OLA1: variants seen among roughly 807,000 people sequenced by gnomAD.
OLA1 encodes the protein obg-like ATPase 1.
A neutral mutation model predicts 48.4 loss-of-function variants in OLA1; 14 were observed. That is an observed-to-expected ratio of 0.29 (90% CI 0.19 to 0.45). The LOEUF is 0.45. OLA1 is among the 20% of genes least tolerant of loss of function. The pLI, the probability that OLA1 is intolerant of heterozygous loss-of-function variation, is 1.00. For synonymous variants in OLA1, 127 were observed against 150.4 expected (o/e 0.84, Z 1.14); for missense variants, 325 against 467.1 (o/e 0.70, Z 2.80).
intron 4 of OLA1, among the ~76,000 whole-genome samples, chr2:174,207,564 T>C (rs1688145210): frequency 6.6e-6 from 1 of 152,100 alleles, no homozygotes; most frequent in African/African-American, 2.4e-5. Context: ...AAGGGAGAAG[T>C]GAAATCAGTC....
intron 7 of OLA1, among the ~76,000 whole-genome samples, chr2:174,120,556 A>G (rs1558963166): frequency 1.3e-5 from 2 of 152,198 alleles, no homozygotes; most frequent in Non-Finnish European, 2.9e-5. Flanking sequence ...GCTTCTCTTC[A>G]GGGGCTAGGT....
intron 4 of OLA1, among the ~76,000 whole-genome samples, chr2:174,173,849 G>C (rs961700721): frequency 2.6e-5 from 4 of 151,948 alleles, no homozygotes; most frequent in Admixed American, 1.3e-4. Context: ...TTAAACATAT[G>C]AGAATATTAA....
At chr2:174,239,194 AAC>A (rs1688936132) in intron 2 of OLA1, among the ~76,000 whole-genome samples, 1 of 152,214 alleles carries the variant, frequency 6.6e-6, no homozygotes, top group African/African-American at 2.4e-5. Context: ...AAGAATCAAT[AAC>A]ACATGCCAAA....
Position 174,176,687 on chromosome 2 carries a change from T to C in OLA1, c.374-34687A>G, listed in dbSNP as rs922946086. ...ATATTAAAAGCTAAACATTTCACCG[T>C]GGTAAGGTCTTACACCTAGAGAGAC... is the stretch of plus-strand genomic sequence containing the variant. On this transcript the variant is annotated intron_variant, in intron 4 of 10. Coordinates refer to ENST00000284719, the MANE Select transcript of OLA1 (RefSeq NM_013341.5). Among the ~76,000 whole-genome samples the C allele has an allele frequency of 1.1e-4, 16 of 152,118 alleles. No individual in the cohort carries two copies. The East Asian group carries it at 2.9e-3, about 27-fold the overall frequency.
Position 174,169,915 on chromosome 2 carries a change from T to C in OLA1, c.374-27915A>G, listed in dbSNP as rs958604788. 2.6e-5 allele frequency among the ~76,000 whole-genome samples: 4 copies of C among 152,322 alleles called. No homozygotes were observed. In the East Asian group the frequency reaches 5.8e-4, roughly 22 times the overall value. On this transcript the variant is annotated intron_variant, in intron 4 of 10. Coordinates refer to ENST00000284719, the MANE Select transcript of OLA1 (RefSeq NM_013341.5). The stretch of plus-strand genomic sequence containing the variant: ...GTAAATTTTATCTCAATTTTTTAAA[T>C]TGTGGGATTTACAAAATGTGTAGAG...
chr2:174,221,438 C>A (rs1319281769), intron 4 of OLA1, among the ~76,000 whole-genome samples: 5 of 152,136 alleles, frequency 3.3e-5, no homozygotes, highest in African/African-American at 1.2e-4. Context: ...CAGCCTTACA[C>A]TCAACCTACC....
intron 7 of OLA1, among the ~76,000 whole-genome samples, chr2:174,085,339 C>A (rs1684944666): frequency 6.6e-6 from 1 of 152,184 alleles, no homozygotes; most frequent in South Asian, 2.1e-4. Flanking sequence ...ACCACTTGAG[C>A]CCTGCCTCGT....
At chr2:174,110,200 G>A (rs67868773) in intron 7 of OLA1, among the ~76,000 whole-genome samples, 17,045 of 148,360 alleles carry the variant, frequency 0.11, 2,261 homozygotes, top group East Asian at 0.73. Context: ...TTTTGGGTTC[G>A]ATCTCCGCTC....
intron 3 of OLA1, 51 bp from the exon 4 acceptor site, chr2:174,223,211 AT>A (rs1381593818): frequency 6.6e-7 from 1 of 1,513,074 alleles, no homozygotes; most frequent in Non-Finnish European, 9.2e-7. Context: ...AAACTTATCT[AT>A]CAACCAAATG....
intron 2 of OLA1, among the ~76,000 whole-genome samples, chr2:174,240,646 A>T (rs953100662): frequency 7.9e-5 from 12 of 152,232 alleles, no homozygotes; most frequent in Non-Finnish European, 4.4e-5. Context: ...CAAGCCATCA[A>T]GAGATATCTC....
In OLA1 at chr2:174,200,652, A is replaced by G. The variant is rs74947416; in HGVS notation, c.373+22381T>C. Among the ~76,000 whole-genome samples, 395 of 152,332 alleles carry G rather than the reference A, an allele frequency of 2.6e-3. 2 individuals carry two copies. Among genetic ancestry groups the G allele is most frequent in the African/African-American group, 8.7e-3 (361 of 41,586 alleles). ...GGACACATAACAAATGTTTAAACCC[A>G]GGAGGTTTAAAGAAATCAGAAGGTA... On this transcript the variant is annotated intron_variant, in intron 4 of 10. Coordinates refer to ENST00000284719, the MANE Select transcript of OLA1 (RefSeq NM_013341.5).
At chr2:174,187,970 A>G (rs1687691389) in intron 4 of OLA1, among the ~76,000 whole-genome samples, 1 of 152,136 alleles carries the variant, frequency 6.6e-6, no homozygotes, top group Non-Finnish European at 1.5e-5. Flanking sequence ...CTCCTTATAT[A>G]TGCAAAATAT....
intron 4 of OLA1, among the ~76,000 whole-genome samples, chr2:174,147,408 C>T (rs1178002788): frequency 6.6e-6 from 1 of 151,818 alleles, no homozygotes; most frequent in African/African-American, 2.4e-5. Context: ...GCCTGGGCAA[C>T]GAGAGCGAAA....
intron 4 of OLA1, among the ~76,000 whole-genome samples, chr2:174,186,410 G>A (rs1474728883): frequency 2.2e-4 from 33 of 152,166 alleles, no homozygotes. Context: ...ACCACAGGTG[G>A]AAAATTTCAA....
chr2:174,096,184 T>C (rs1309334393), intron 7 of OLA1, among the ~76,000 whole-genome samples: 3 of 152,200 alleles, frequency 2.0e-5, no homozygotes, highest in Non-Finnish European at 4.4e-5. Context: ...AAAGGCCACA[T>C]ATTGTGTGAT....
intron 7 of OLA1, among the ~76,000 whole-genome samples, chr2:174,086,561 T>C (rs938612257): frequency 6.6e-6 from 1 of 152,184 alleles, no homozygotes; most frequent in African/African-American, 2.4e-5. Flanking sequence ...CAAATCCAAA[T>C]TGCCAGCATC....
chr2:174,162,291 A>C (rs754206701), intron 4 of OLA1, among the ~76,000 whole-genome samples: 3 of 152,300 alleles, frequency 2.0e-5, no homozygotes, highest in African/African-American at 4.8e-5. Flanking sequence ...GAAGGCACGA[A>C]TGTTTTACAA....
intron 5 of OLA1, among the ~76,000 whole-genome samples, chr2:174,135,816 C>T (rs1686297382): frequency 6.6e-6 from 1 of 152,146 alleles, no homozygotes. Context: ...ACAGTACAAC[C>T]ATACCTCAGA....
intron 4 of OLA1, among the ~76,000 whole-genome samples, chr2:174,150,565 T>G (rs533256088): frequency 5.8e-4 from 88 of 152,316 alleles, no homozygotes; most frequent in African/African-American, 2.0e-3. Context: ...GACTTATGCT[T>G]TTTCCATATT....
Sources: gnomAD v4.1 joint callset for allele counts (sites outside exome capture counted in the v4.1 genomes callset) on GRCh38, gnomAD v4.1.1 for gene constraint, MANE v1.5 for transcripts, NCBI Gene and HGNC (gene_info 2026-07-23, HGNC 2026-07-21) for gene names.